DOT1L: variants seen among roughly 807,000 people sequenced by gnomAD.
DOT1L encodes DOT1 like histone lysine methyltransferase, also known as histone-lysine N-methyltransferase, H3 lysine-79 specific.
A neutral mutation model predicts 153.3 loss-of-function variants in DOT1L; 33 were observed. That is an observed-to-expected ratio of 0.22 (90% CI 0.16 to 0.29). DOT1L has a LOEUF of 0.29. Ranked by LOEUF, DOT1L falls within the 10% of genes least tolerant of loss-of-function variation. DOT1L has a pLI of 1.00. For synonymous variants in DOT1L, 1,135 were observed against 965.1 expected, an observed-to-expected ratio of 1.18 and a Z score of -3.26; for missense variants, 1,847 against 2,119.9, an observed-to-expected ratio of 0.87 and a Z score of 2.53.
intron 17 of DOT1L, 41 bp downstream of exon 17, chr19:2,213,681 G>T: frequency 6.2e-7 from 1 of 1,610,706 alleles, no homozygotes; most frequent in Admixed American, 1.7e-5. Context: ...GGCAGCTGGG[G>T]CGCAGGCTGG....
intron 6 of DOT1L, 52 bp from the exon 7 acceptor site, chr19:2,194,463 G>T (rs372841445): frequency 1.2e-6 from 2 of 1,609,800 alleles, no homozygotes; most frequent in Non-Finnish European, 1.7e-6. Context: ...GAGCCACCGC[G>T]CCTGGCTTGC....
rs904632173 is a variant in DOT1L, at chr19:2,230,329, C to T, written c.*537C>T. On this transcript the variant is annotated 3_prime_UTR_variant, in exon 28 of 28. Transcript: ENST00000398665. ...ACCACATTCCTCGGAGGCCTCCCCG[C>T]GGCCTGAGCCCCTTCCTGAGCGCCC... 9 of 414,710 alleles carry T rather than the reference C, an allele frequency of 2.2e-5. No individual in the cohort carries two copies. The highest frequency in any genetic ancestry group is 4.1e-5 in the Admixed American group (1 of 24,506). The allele number at this position is 414,710 out of a possible 1,614,324, so 25.7% of individuals were successfully genotyped here.
chr19:2,202,612 C>A, intron 8 of DOT1L, 88 bp from the exon 9 acceptor site: 1 of 1,341,220 alleles, frequency 7.5e-7, no homozygotes, highest in Non-Finnish European at 1.1e-6. Context: ...CAGGGCCTAG[C>A]ACCGACAGCA....
intron 7 of DOT1L, 118 bp downstream of exon 7, chr19:2,194,695 C>A (rs2022945445): frequency 2.1e-6 from 1 of 472,650 alleles, no homozygotes; most frequent in Non-Finnish European, 3.3e-6. Context: ...ATGGTGTGCC[C>A]CCTGGAGTCC....
Position 2,227,138 on chromosome 19 carries a change from C to A in DOT1L, c.4606+11C>A. The A allele has an allele frequency of 1.3e-6, 2 of 1,553,728 alleles. No homozygotes were observed. Among genetic ancestry groups the A allele is most frequent in the East Asian group, 2.3e-5 (1 of 42,600 alleles). ...GCGGCACAGTTGGAGGTAGGCAGGG[C>A]GGCCGTCCGTCCGCCCCCCGCCCCG... On this transcript the variant is annotated intron_variant, in intron 27 of 27. Transcript: ENST00000398665.
At position 2,216,554 on chromosome 19, in the gene DOT1L, C is replaced by G. The variant is rs755852946; in HGVS notation, c.2197C>G (p.Gln733Glu). The G allele has an allele frequency of 6.2e-6, 10 of 1,610,178 alleles. No homozygotes were observed. The highest frequency in any genetic ancestry group is 8.5e-6 in the Non-Finnish European group (10 of 1,179,780). Residue 733 changes from glutamine to glutamate, a missense_variant, in exon 20 of 28, where the codon CAG (glutamine) becomes GAG (glutamate). This residue lies in a region of DOT1L where 281 missense variants were observed against 263.6 expected (regional missense o/e 1.07). Transcript: ENST00000398665. The stretch of plus-strand genomic sequence containing the variant: ...TGTGCTGAGCCGGCCTTCGTCGAAG[C>G]AGAACACGCCCCAGTACCTGGCCTC... ...CGVLSRPSSK[Q>E]NTPQYLASPL...
rs543361265 is a variant in DOT1L, at chr19:2,178,727, A to G, written c.82-1986A>G. Reference sequence around the variant, plus strand: ...TGAGCTACCGCGCCCGGCCACGCCCAGCTAATTTTTTCTATTTTTAGTAGA... The same window carrying G: ...TGAGCTACCGCGCCCGGCCACGCCCGGCTAATTTTTTCTATTTTTAGTAGA... On this transcript the variant is annotated intron_variant, in intron 1 of 27. Coordinates refer to ENST00000398665, the MANE Select transcript of DOT1L (RefSeq NM_032482.3). Among the ~76,000 whole-genome samples, 3 of 150,370 alleles carry G rather than the reference A, an allele frequency of 2.0e-5. 1 individual carries two copies. In the East Asian group the frequency reaches 5.9e-4, roughly 29 times the overall value.
chr19:2,188,033 G>T (rs554745108), intron 3 of DOT1L, among the ~76,000 whole-genome samples: 6 of 151,886 alleles, frequency 4.0e-5, no homozygotes, highest in Non-Finnish European at 7.4e-5. Flanking sequence ...CCTCCGGCCC[G>T]CATGGTGCCT....
In DOT1L at chr19:2,206,945, T is replaced by G; in HGVS notation, c.856+148T>G. ...GGCTGTCCTGGGCAGTGCAGGGTGC[T>G]GAGCAGCGTCCCTGGTGTCCACCCA... On this transcript the variant is annotated intron_variant, in intron 10 of 27. Coordinates refer to ENST00000398665, the MANE Select transcript of DOT1L (RefSeq NM_032482.3). The G allele has an allele frequency of 8.9e-6, 7 of 784,346 alleles. No homozygotes were observed. The South Asian group carries it at 9.3e-5, about 10-fold the overall frequency. The allele number at this position is 784,346 out of a possible 1,614,324, so 48.6% of individuals were successfully genotyped here.
intron 22 of DOT1L, among the ~76,000 whole-genome samples, chr19:2,219,602 T>C (rs772834214): frequency 7.9e-5 from 12 of 152,326 alleles, no homozygotes; most frequent in Middle Eastern, 3.4e-3. Flanking sequence ...TGGATGTAGG[T>C]TTGCTCTTTG....
At position 2,226,962 on chromosome 19, in the gene DOT1L, C is replaced by A. The variant is rs377420763; in HGVS notation, c.4441C>A (p.Leu1481Met). The A allele has an allele frequency of 6.3e-7, 1 of 1,591,092 alleles. No homozygotes were observed. Among genetic ancestry groups the A allele is most frequent in the Non-Finnish European group, 8.5e-7 (1 of 1,176,380 alleles). ...GPQFALGPMS[L>M]QANLGSVAGS... ...GCAGTTCGCGCTCGGCCCCATGTCCCTGCAGGCCAACCTCGGCTCCGTGGC... is the reference window on the plus strand; with the variant it reads ...GCAGTTCGCGCTCGGCCCCATGTCCATGCAGGCCAACCTCGGCTCCGTGGC... Residue 1481 changes from leucine (L) to methionine (M), a missense_variant, in exon 27 of 28, where the codon CTG (leucine) becomes ATG (methionine). By Grantham distance (15) the Leu-to-Met change is conservative. This residue lies in a region of DOT1L where 934 missense variants were observed against 825.3 expected (regional missense o/e 1.13). Transcript: ENST00000398665.
At position 2,229,894 on chromosome 19, in the gene DOT1L, C is replaced by T; in HGVS notation, c.*102C>T. The stretch of plus-strand genomic sequence containing the variant: ...CTGCCGGGCTCCCACCCCTGGACGG[C>T]AGAGGCAAGGACGGACGGGAGCTCC... On this transcript the variant is annotated 3_prime_UTR_variant, in exon 28 of 28. Coordinates refer to ENST00000398665, the MANE Select transcript of DOT1L (RefSeq NM_032482.3). 2 of 1,604,918 alleles carry T rather than the reference C, an allele frequency of 1.2e-6. No individual in the cohort carries two copies. Among genetic ancestry groups the T allele is most frequent in the South Asian group, 2.2e-5 (2 of 90,880 alleles).
At chr19:2,195,601 C>T (rs1177532774) in intron 7 of DOT1L, among the ~76,000 whole-genome samples, 3 of 151,944 alleles carry the variant, frequency 2.0e-5, no homozygotes, top group Non-Finnish European at 4.4e-5. Context: ...GAGCCCGCAG[C>T]CCCTCGAGCC....
chr19:2,207,668 C>T lies in DOT1L; in HGVS notation c.951C>T (p.Ile317=), dbSNP rs778762925. Residue 317 remains isoleucine, a synonymous_variant, in exon 11 of 28, where the codon ATC becomes ATT. Transcript: ENST00000398665. The surrounding 1 kb of genome is among the most constrained non-coding windows in gnomAD (Gnocchi z 4.5). ...CAGTCTCCTACTACCTGCACACTAT[C>T]GACCGCACCATAGTGAGTATCTCGC... The part of the protein sequence containing the change: ...GKPVSYYLHT[I]DRTILENYFS... The T allele has an allele frequency of 4.9e-5, 79 of 1,612,170 alleles. No homozygotes were observed. The highest frequency in any genetic ancestry group is 2.3e-4 in the Admixed American group (14 of 59,914).
chr19:2,216,860 G>A, intron 20 of DOT1L, 95 bp downstream of exon 20: 2 of 1,558,186 alleles, frequency 1.3e-6, no homozygotes, highest in Non-Finnish European at 1.7e-6. Flanking sequence ...GAGTGTGTTT[G>A]TTGAGGAGAC....
rs2024174423 is a variant in DOT1L, at chr19:2,222,761, G to GTGGTGGC, written c.3390+203_3390+209dup. ...CAAAAATACAAAAGATTAGCCGGGC[G>GTGGTGGC]TGGTGGCGGGTGCCTGGGAGGCTGA... On this transcript the variant is annotated intron_variant, in intron 24 of 27. Transcript: ENST00000398665. The surrounding 1 kb of genome is among the most constrained non-coding windows in gnomAD (Gnocchi z 6.5). 7 of 582,118 alleles carry GTGGTGGC rather than the reference G, an allele frequency of 1.2e-5. No homozygotes were observed. Among genetic ancestry groups the GTGGTGGC allele is most frequent in the Non-Finnish European group, 1.7e-5 (6 of 344,806 alleles). The allele number at this position is 582,118 out of a possible 1,614,324, so 36.1% of individuals were successfully genotyped here.
chr19:2,190,764 G>C lies in DOT1L; in HGVS notation c.265-248G>C, dbSNP rs1458029125. On this transcript the variant is annotated intron_variant, in intron 4 of 27. Transcript: ENST00000398665. The surrounding 1 kb of genome is among the most constrained non-coding windows in gnomAD (Gnocchi z 4.8). ...GTCTTGCCAGTGGGGAGAGAGGCCC[G>C]TGGCAGGAGGTGGAGCCTCCTAGGA... Among the ~76,000 whole-genome samples, 1 of 152,032 alleles carries C rather than the reference G, an allele frequency of 6.6e-6. No homozygotes were observed. Among genetic ancestry groups the C allele is most frequent in the Non-Finnish European group, 1.5e-5 (1 of 67,974 alleles).
Position 2,222,274 on chromosome 19 carries a change from A to G in DOT1L, c.3105A>G (p.Ser1035=), listed in dbSNP as rs1257119827. The change falls in exon 24 of 28, where the codon TCA becomes TCG. Residue 1035 remains serine (S), a synonymous_variant. Coordinates refer to ENST00000398665, the MANE Select transcript of DOT1L (RefSeq NM_032482.3). The surrounding 1 kb of genome is among the most constrained non-coding windows in gnomAD (Gnocchi z 6.5). The part of the protein sequence containing the change: ...KGDLPSDSGF[S]DPESEAKRRI... ...ACCTGCCCTCCGATTCCGGCTTCTC[A>G]GATCCTGAGAGTGAAGCCAAGAGGA... 6.2e-7 allele frequency: 1 copy of G among 1,613,112 alleles called. No individual in the cohort carries two copies. Among genetic ancestry groups the G allele is most frequent in the Admixed American group, 1.7e-5 (1 of 60,024 alleles).
chr19:2,202,620 G>T, intron 8 of DOT1L, 80 bp from the exon 9 acceptor site: 1 of 1,412,656 alleles, frequency 7.1e-7, no homozygotes, highest in African/African-American at 1.4e-5. Flanking sequence ...AGCACCGACA[G>T]CAGCGGTTGT....
Sources: allele counts gnomAD v4.1 joint callset (sites outside exome capture counted in the v4.1 genomes callset), GRCh38; gene constraint gnomAD v4.1.1; regional missense constraint gnomAD v4.1.1; non-coding constraint Gnocchi (gnomAD v3.1); transcripts MANE v1.5; gene names NCBI Gene and HGNC (gene_info 2026-07-23, HGNC 2026-07-21).